The following PON2 variants were observed in gnomAD, a reference collection of about 807,000 sequenced individuals.
PON2 encodes the protein serum paraoxonase/arylesterase 2.
A neutral mutation model predicts 36.6 loss-of-function variants in PON2; 27 were observed. That is an observed-to-expected ratio of 0.74 (90% CI 0.54 to 1.02). The LOEUF is 1.02. Among genes scored for constraint, PON2 ranks in the 50% least tolerant of loss-of-function variants. The pLI is 0.00. For synonymous variants in PON2, 149 were observed against 156.3 expected, an observed-to-expected ratio of 0.95 and a Z score of 0.35; for missense variants, 363 against 421.1, an observed-to-expected ratio of 0.86 and a Z score of 1.21.
At chr7:95,409,302 A>G (rs1453386298) in intron 6 of PON2, among the ~76,000 whole-genome samples, 1 of 151,446 alleles carries the variant, frequency 6.6e-6, no homozygotes, top group Non-Finnish European at 1.5e-5. Context: ...ACGGAGTGAG[A>G]CTCCATCTCC....
intron 4 of PON2, 77 bp downstream of exon 4, chr7:95,412,235 A>G (rs1299110199): frequency 2.6e-6 from 4 of 1,554,284 alleles, no homozygotes; most frequent in Non-Finnish European, 2.7e-6. Flanking sequence ...TCCTAGAAAT[A>G]TGATCCAAAT....
chr7:95,416,797 A>T (rs1359550582), intron 2 of PON2, among the ~76,000 whole-genome samples: 1 of 152,194 alleles, frequency 6.6e-6, no homozygotes, highest in African/African-American at 2.4e-5. Context: ...TTGTGCTCAT[A>T]AGCAAAGAAA....
chr7:95,431,007 A>G (rs1327823739), intron 1 of PON2, among the ~76,000 whole-genome samples: 1 of 152,062 alleles, frequency 6.6e-6, no homozygotes, highest in Non-Finnish European at 1.5e-5. Context: ...CAGAACATTC[A>G]CATGGGTACT....
At chr7:95,428,736 C>T (rs555181399) in intron 1 of PON2, among the ~76,000 whole-genome samples, 2 of 152,218 alleles carry the variant, frequency 1.3e-5, no homozygotes, top group African/African-American at 2.4e-5. Context: ...TTATTTTACT[C>T]ATTTAAAAAC....
intron 2 of PON2, among the ~76,000 whole-genome samples, chr7:95,420,835 C>T (rs146816988): frequency 0.011 from 1,713 of 152,260 alleles, 27 homozygotes; most frequent in South Asian, 0.047. Context: ...GTGTGTCCAG[C>T]ACATTGTTAT....
intron 1 of PON2, among the ~76,000 whole-genome samples, chr7:95,427,802 G>T (rs1412595016): frequency 6.6e-6 from 1 of 152,150 alleles, no homozygotes; most frequent in Non-Finnish European, 1.5e-5. Context: ...TCAGATTTAA[G>T]AACTTTGTGT....
chr7:95,423,053 G>C (rs534480104), intron 2 of PON2, among the ~76,000 whole-genome samples: 1 of 152,130 alleles, frequency 6.6e-6, no homozygotes, highest in Non-Finnish European at 1.5e-5. Flanking sequence ...GCTGGGCTCA[G>C]TGCCTCATGC....
At chr7:95,405,587 G>T in intron 8 of PON2, 99 bp from the exon 9 acceptor site, 1 of 1,172,132 alleles carries the variant, frequency 8.5e-7, no homozygotes, top group Non-Finnish European at 1.3e-6. Flanking sequence ...ACTGATTAAG[G>T]GGACATGCTG....
Position 95,407,089 on chromosome 7 carries a change from G to A in PON2, c.696-21C>T, listed in dbSNP as rs371807053. ...TATACCTTTGCAGAAAGGACACAGT[G>A]GTTAGAGCTCCATGCCAATATAAAG... is the stretch of plus-strand genomic sequence containing the variant. On this transcript the variant is annotated intron_variant, in intron 6 of 8. Coordinates refer to ENST00000222572, the MANE Select transcript of PON2 (RefSeq NM_000305.3). 292 of 1,460,152 alleles carry A rather than the reference G, an allele frequency of 2.0e-4. 1 individual carries two copies. Among genetic ancestry groups the A allele is most frequent in the Admixed American group, 8.1e-4 (48 of 59,512 alleles). 90.4% of individuals were successfully genotyped at this position (1,460,152 alleles called of 1,614,324 possible). A position where few individuals can be genotyped will look rare whatever the true frequency, so the allele number is the denominator to read the frequency against.
At chr7:95,407,827 A>T (rs1387005008) in intron 6 of PON2, among the ~76,000 whole-genome samples, 1 of 152,204 alleles carries the variant, frequency 6.6e-6, no homozygotes, top group Non-Finnish European at 1.5e-5. Flanking sequence ...CCGAGGACAC[A>T]GAAAGGCTCA....
intron 6 of PON2, among the ~76,000 whole-genome samples, chr7:95,408,420 C>A (rs1007669164): frequency 1.3e-5 from 2 of 152,166 alleles, no homozygotes; most frequent in African/African-American, 4.8e-5. Context: ...ACCAACAGGA[C>A]CTGCCTACAG....
intron 6 of PON2, among the ~76,000 whole-genome samples, chr7:95,409,293 C>T (rs1585746377): frequency 1.3e-5 from 2 of 151,574 alleles, no homozygotes; most frequent in African/African-American, 4.9e-5. Context: ...GCCTGGGCGA[C>T]GGAGTGAGAC....
rs553703460 is a variant in PON2, at chr7:95,412,431, C to A, written c.248G>T (p.Gly83Val). The A allele has an allele frequency of 2.5e-6, 4 of 1,613,938 alleles. No individual in the cohort carries two copies. The highest frequency in any genetic ancestry group is 3.4e-6 in the Non-Finnish European group (4 of 1,179,990). ...GLHSFAPDKP[G>V]GILMMDLKEE... ...TTTTAGATCCATCATTAGTATTCCTCCAGGCTTATCTGGTGCAAAGCTGTG... is the reference window on the plus strand; with the variant it reads ...TTTTAGATCCATCATTAGTATTCCTACAGGCTTATCTGGTGCAAAGCTGTG... The change falls in exon 4 of 9, where the codon GGA (glycine) becomes GTA (valine). Residue 83 changes from glycine (G) to valine (V), a missense_variant. Gly to Val is a moderately radical substitution (Grantham distance 109). Coordinates refer to ENST00000222572, the MANE Select transcript of PON2 (RefSeq NM_000305.3).
rs1809693561 is a variant in PON2 at position 95,406,331 on chromosome 7, A to G, written c.778-84T>C. ...AGAGGTAACCTTCCTGCCTCTATGC[A>G]TGTGAGGAAATTACACATCGCCCTG... On this transcript the variant is annotated intron_variant, in intron 7 of 8. Coordinates refer to ENST00000222572, the MANE Select transcript of PON2 (RefSeq NM_000305.3). 6 of 1,411,170 alleles carry G rather than the reference A, an allele frequency of 4.3e-6. No individual in the cohort carries two copies. In the African/African-American group the frequency reaches 8.5e-5, roughly 20 times the overall value. The allele number at this position is 1,411,170 out of a possible 1,614,324, so 87.4% of individuals were successfully genotyped here. A position where few individuals can be genotyped will look rare whatever the true frequency, so the allele number is the denominator to read the frequency against.
intron 6 of PON2, among the ~76,000 whole-genome samples, chr7:95,409,034 C>T (rs944349916): frequency 6.6e-6 from 1 of 152,072 alleles, no homozygotes; most frequent in Non-Finnish European, 1.5e-5. Context: ...CTCTTAGAGC[C>T]AGGTGTGGTG....
intron 2 of PON2, among the ~76,000 whole-genome samples, chr7:95,422,371 G>A (rs1427743977): frequency 1.3e-5 from 2 of 152,058 alleles, no homozygotes; most frequent in East Asian, 3.9e-4. Context: ...TTCTGTTGGG[G>A]GTGATGAAGA....
rs773966166 is a variant in PON2 at position 95,411,690 on chromosome 7, A to G, written c.457T>C (p.Leu153=). Residue 153 remains leucine (L), a synonymous_variant, in exon 5 of 9, where the codon TTG becomes CTG. Transcript: ENST00000222572. Reference sequence around the variant, plus strand: ...TCATGTTTGACTGTTTTCAGATGCAACAGAGAATTTTCTGCTTCTTCAAAT... The same window carrying G: ...TCATGTTTGACTGTTTTCAGATGCAGCAGAGAATTTTCTGCTTCTTCAAAT... The part of the protein sequence containing the change: ...FKFEEAENSL[L]HLKTVKHELL... The G allele has an allele frequency of 1.2e-6, 2 of 1,614,006 alleles. No homozygotes were observed. The highest frequency in any genetic ancestry group is 2.2e-5 in the East Asian group (1 of 44,864).
rs904501440 is a variant in PON2 at position 95,412,535 on chromosome 7, C to T, written c.202-58G>A. 1.7e-5 allele frequency: 26 copies of T among 1,529,374 alleles called. No individual in the cohort carries two copies. The African/African-American group carries it at 3.4e-4, about 20-fold the overall frequency. The allele number at this position is 1,529,374 out of a possible 1,614,324, so 94.7% of individuals were successfully genotyped here. ...AAGCTTAAGTATTTTTATGGACTAA[C>T]ATGGGAACTGTACATGAAGGATAAA... On this transcript the variant is annotated intron_variant, in intron 3 of 8. Coordinates refer to ENST00000222572, the MANE Select transcript of PON2 (RefSeq NM_000305.3).
At chr7:95,412,792 T>G in intron 3 of PON2, 1 of 393,738 alleles carries the variant, frequency 2.5e-6, no homozygotes. Flanking sequence ...CTGTGGAAAT[T>G]TGTTCACTGC....
Sources: gnomAD v4.1 joint callset for allele counts (sites outside exome capture counted in the v4.1 genomes callset) on GRCh38, gnomAD v4.1.1 for gene constraint, MANE v1.5 for transcripts, NCBI Gene and HGNC (gene_info 2026-07-23, HGNC 2026-07-21) for gene names.